The following SLC18A1 variants were observed in gnomAD, a reference collection of about 807,000 sequenced individuals.
SLC18A1 encodes solute carrier family 18 member A1.
A neutral mutation model predicts 53.7 loss-of-function variants in SLC18A1; 69 were observed. The observed-to-expected ratio is 1.28, with a 90% CI of 1.06 to 1.57. SLC18A1 has a LOEUF of 1.57. SLC18A1 is among the 40% of genes most tolerant of loss of function. The pLI, the probability that SLC18A1 is intolerant of heterozygous loss-of-function variation, is 0.00. For missense variants in SLC18A1, 932 were observed against 668.1 expected (o/e 1.40, Z -4.35); for synonymous variants, 320 against 248.1 (o/e 1.29, Z -2.72).
chr8:20,146,824 A>G (rs1267511433), intron 15 of SLC18A1, among the ~76,000 whole-genome samples: 3 of 7,740 alleles, frequency 3.9e-4, no homozygotes, highest in Non-Finnish European at 8.0e-4. Flanking sequence ...AACTCCATCA[A>G]AAAAAAAAAA....
At chr8:20,176,751 C>A (rs1474347170) in intron 4 of SLC18A1, among the ~76,000 whole-genome samples, 1 of 152,144 alleles carries the variant, frequency 6.6e-6, no homozygotes, top group East Asian at 1.9e-4. Context: ...ACACAGCTAT[C>A]CTATGGAAAT....
intron 3 of SLC18A1, 28 bp downstream of exon 3, chr8:20,179,093 C>T: frequency 1.3e-6 from 2 of 1,593,310 alleles, no homozygotes; most frequent in Non-Finnish European, 1.7e-6. Context: ...CCTGTGTACC[C>T]TGCGGGGCAC....
intron 8 of SLC18A1, among the ~76,000 whole-genome samples, chr8:20,168,994 A>G (rs67671257): frequency 0.31 from 47,297 of 152,132 alleles, 7,792 homozygotes; most frequent in Non-Finnish European, 0.38. Flanking sequence ...GGAGATTTAT[A>G]TGACTTTACA....
intron 6 of SLC18A1, among the ~76,000 whole-genome samples, chr8:20,172,501 G>C (rs1200467459): frequency 6.6e-6 from 1 of 152,182 alleles, no homozygotes; most frequent in East Asian, 1.9e-4. Context: ...TGTCAATTAA[G>C]TTGTATGAGG....
chr8:20,148,423 A>G (rs2071461543), intron 12 of SLC18A1: 2 of 1,282,156 alleles, frequency 1.6e-6, no homozygotes, highest in African/African-American at 1.5e-5. Context: ...ACCTAAACAT[A>G]CACTCCTGGT....
chr8:20,179,020 C>G, intron 3 of SLC18A1, 101 bp downstream of exon 3: 2 of 1,399,564 alleles, frequency 1.4e-6, no homozygotes, highest in Non-Finnish European at 1.9e-6. Context: ...AGGAATCATA[C>G]AAGTGAGTAT....
intron 8 of SLC18A1, among the ~76,000 whole-genome samples, chr8:20,168,724 T>G (rs1020249835): frequency 2.6e-5 from 4 of 152,132 alleles, no homozygotes; most frequent in African/African-American, 9.7e-5. Flanking sequence ...TGCACCACCA[T>G]GCCCAGCTAA....
intron 10 of SLC18A1, among the ~76,000 whole-genome samples, chr8:20,159,230 C>T (rs956004113): frequency 2.0e-5 from 3 of 152,114 alleles, no homozygotes; most frequent in African/African-American, 4.8e-5. Context: ...TGCCCCAGTT[C>T]GGCAGGAAGC....
At chr8:20,180,735 A>G (rs1009173161) in intron 2 of SLC18A1, 106 bp downstream of exon 2, 2 of 1,442,014 alleles carry the variant, frequency 1.4e-6, no homozygotes, top group Middle Eastern at 1.8e-4. Flanking sequence ...TTGAGCATAA[A>G]AAGGAAAATT....
At chr8:20,178,681 A>T (rs1238844740) in intron 3 of SLC18A1, among the ~76,000 whole-genome samples, 188 bp from the exon 4 acceptor site, 3 of 152,228 alleles carry the variant, frequency 2.0e-5, no homozygotes. Flanking sequence ...AAACATGCAG[A>T]TATGACCATA....
At chr8:20,159,620 A>T (rs1244055505) in intron 10 of SLC18A1, among the ~76,000 whole-genome samples, 1 of 142,292 alleles carries the variant, frequency 7.0e-6, no homozygotes, top group Non-Finnish European at 1.5e-5. Flanking sequence ...CACTCTATTA[A>T]ATCTTGCAGC....
At chr8:20,166,428 G>C (rs895124651) in intron 8 of SLC18A1, among the ~76,000 whole-genome samples, 2 of 149,196 alleles carry the variant, frequency 1.3e-5, no homozygotes, top group Non-Finnish European at 3.0e-5. Flanking sequence ...GCAAAAAAAA[G>C]AATACATAGT....
intron 15 of SLC18A1, 140 bp from the exon 16 acceptor site, chr8:20,146,016 T>A: frequency 6.7e-6 from 3 of 446,414 alleles, no homozygotes; most frequent in Non-Finnish European, 1.2e-5. Flanking sequence ...CCCGGGTTCA[T>A]GCCGTTCTCC....
intron 2 of SLC18A1, among the ~76,000 whole-genome samples, chr8:20,180,502 C>G (rs181442147): frequency 2.6e-5 from 4 of 152,140 alleles, no homozygotes; most frequent in African/African-American, 9.7e-5. Flanking sequence ...GAGAAGATCT[C>G]GCTGCCTCAG....
chr8:20,172,745 G>T (rs1368674269), intron 6 of SLC18A1, among the ~76,000 whole-genome samples: 1 of 152,200 alleles, frequency 6.6e-6, no homozygotes, highest in African/African-American at 2.4e-5. Context: ...TCTGGCAGCA[G>T]CCATGCTCTG....
intron 10 of SLC18A1, among the ~76,000 whole-genome samples, chr8:20,162,352 T>C (rs1270866425): frequency 2.0e-5 from 3 of 152,246 alleles, no homozygotes; most frequent in Admixed American, 1.3e-4. Flanking sequence ...TTTAGGTTGC[T>C]TGGCCACAGT....
intron 12 of SLC18A1, among the ~76,000 whole-genome samples, chr8:20,148,690 C>T (rs1227901917): frequency 1.3e-5 from 2 of 152,272 alleles, no homozygotes; most frequent in East Asian, 3.9e-4. Context: ...TTCCTTACCT[C>T]CCTCTCTGGG....
At chr8:20,171,280 G>A (rs1333534885) in intron 7 of SLC18A1, 125 bp downstream of exon 7, 2 of 1,300,796 alleles carry the variant, frequency 1.5e-6, no homozygotes, top group Non-Finnish European at 2.2e-6. Context: ...TCTACAACGG[G>A]GCAGTCCTTG....
chr8:20,168,846 A>G (rs1207850009), intron 8 of SLC18A1, among the ~76,000 whole-genome samples: 1 of 152,248 alleles, frequency 6.6e-6, no homozygotes, highest in Non-Finnish European at 1.5e-5. Flanking sequence ...TCCTTACAGC[A>G]AAGTGCCAAC....
Sources: allele counts gnomAD v4.1 joint callset (sites outside exome capture counted in the v4.1 genomes callset), GRCh38; gene constraint gnomAD v4.1.1; transcripts MANE v1.5; gene names NCBI Gene and HGNC (gene_info 2026-07-23, HGNC 2026-07-21).